HEMK2: variants seen among roughly 807,000 people sequenced by gnomAD.
HEMK2 encodes HemK methyltransferase 2, ETF1 glutamine and histone H4 lysine, also known as methyltransferase HEMK2.
At chr21:28,877,297 G>GAAGGAAGGAAGGAAGGAAGGAAGGAAGT in the HEMK2 span, among the ~76,000 whole-genome samples, 1 of 126,460 alleles carries the variant, frequency 7.9e-6, no homozygotes, top group Non-Finnish European at 1.7e-5. Context: ...AGGAAGGAAG[G>GAAGGAAGGAAGGAAGGAAGGAAGGAAGT]AAGAGAGAGA....
the HEMK2 span, among the ~76,000 whole-genome samples, chr21:28,677,892 T>A: frequency 1.3e-4 from 20 of 152,050 alleles, no homozygotes; most frequent in African/African-American, 4.4e-4. Context: ...CAAAACCCCA[T>A]CTGTACGTCA....
the HEMK2 span, among the ~76,000 whole-genome samples, chr21:28,746,626 T>C: frequency 0.25 from 37,227 of 150,862 alleles, 5,538 homozygotes; most frequent in African/African-American, 0.41. Flanking sequence ...GAGGCTATCA[T>C]ACATTGAGTG....
At chr21:28,822,951 T>C in the HEMK2 span, among the ~76,000 whole-genome samples, 1 of 152,188 alleles carries the variant, frequency 6.6e-6, no homozygotes, top group Non-Finnish European at 1.5e-5. Context: ...GTACAAACAG[T>C]ACTTTGCATT....
chr21:28,693,059 T>A, the HEMK2 span, among the ~76,000 whole-genome samples: 2 of 152,218 alleles, frequency 1.3e-5, no homozygotes, highest in African/African-American at 4.8e-5. Flanking sequence ...ATGAAAATAT[T>A]CTGGAATTAG....
the HEMK2 span, among the ~76,000 whole-genome samples, chr21:28,863,837 T>G: frequency 1.3e-5 from 2 of 152,106 alleles, no homozygotes; most frequent in Non-Finnish European, 2.9e-5. Context: ...TATAATTTAT[T>G]TATTTTTTGA....
At chr21:28,841,444 TAAAATATTATATATA>T in the HEMK2 span, among the ~76,000 whole-genome samples, 1 of 97,090 alleles carries the variant, frequency 1.0e-5, no homozygotes, top group African/African-American at 3.9e-5. Flanking sequence ...ATATTATATA[TAAAATATTATATATA>T]ATATATATGA....
chr21:28,823,064 G>A, the HEMK2 span, among the ~76,000 whole-genome samples: 1 of 152,184 alleles, frequency 6.6e-6, no homozygotes, highest in Non-Finnish European at 1.5e-5. Flanking sequence ...GGTTCCTCCA[G>A]GAAGAGAGAT....
At chr21:28,768,848 C>A in the HEMK2 span, among the ~76,000 whole-genome samples, 9 of 151,848 alleles carry the variant, frequency 5.9e-5, no homozygotes, top group Admixed American at 5.9e-4. Context: ...TAAGGGTGGG[C>A]CCCAAACCTA....
the HEMK2 span, among the ~76,000 whole-genome samples, chr21:28,697,223 T>A: frequency 1.3e-5 from 2 of 152,220 alleles, no homozygotes; most frequent in Non-Finnish European, 2.9e-5. Flanking sequence ...TTCAAACTTT[T>A]ATGATCTGCT....
At chr21:28,613,616 A>ATTTT in the HEMK2 span, among the ~76,000 whole-genome samples, 9 of 47,014 alleles carry the variant, frequency 1.9e-4, no homozygotes, top group East Asian at 8.8e-4. Context: ...CTTTCTGCAT[A>ATTTT]TTCTTTTTTT....
At chr21:28,828,955 A>G in the HEMK2 span, among the ~76,000 whole-genome samples, 1 of 152,216 alleles carries the variant, frequency 6.6e-6, no homozygotes, top group Non-Finnish European at 1.5e-5. Context: ...AGTGATTTTA[A>G]CAAGAGCTTT....
the HEMK2 span, among the ~76,000 whole-genome samples, chr21:28,649,744 T>C: frequency 1.6e-4 from 24 of 152,080 alleles, no homozygotes; most frequent in Non-Finnish European, 1.2e-4. Flanking sequence ...TAAGGAAATA[T>C]ACCAGAGGCC....
chr21:28,755,521 G>A, the HEMK2 span, among the ~76,000 whole-genome samples: 1 of 152,214 alleles, frequency 6.6e-6, no homozygotes, highest in Admixed American at 6.5e-5. Context: ...GTAAATACAA[G>A]AGGTGTGATG....
At chr21:28,880,803 A>T in the HEMK2 span, among the ~76,000 whole-genome samples, 1 of 151,806 alleles carries the variant, frequency 6.6e-6, no homozygotes, top group East Asian at 1.9e-4. Flanking sequence ...CGTTGATCTC[A>T]TGTAAATCAC....
the HEMK2 span, among the ~76,000 whole-genome samples, chr21:28,634,249 T>C: frequency 2.6e-5 from 4 of 152,188 alleles, no homozygotes; most frequent in African/African-American, 9.7e-5. Flanking sequence ...GGAAGGAGAC[T>C]GGGAAGTGTG....
chr21:28,879,779 C>A, the HEMK2 span: 3 of 929,988 alleles, frequency 3.2e-6, no homozygotes, highest in South Asian at 6.4e-5. Flanking sequence ...GTGATAGCAG[C>A]AGCTGACTGA....
the HEMK2 span, among the ~76,000 whole-genome samples, chr21:28,783,716 G>A: frequency 1.3e-5 from 2 of 152,220 alleles, no homozygotes; most frequent in African/African-American, 4.8e-5. Context: ...GGCTAGCCGA[G>A]GCTGGAGCCA....
chr21:28,885,005 CT>C, the HEMK2 span, among the ~76,000 whole-genome samples: 1 of 152,162 alleles, frequency 6.6e-6, no homozygotes, highest in African/African-American at 2.4e-5. Flanking sequence ...GAGCAGCCCC[CT>C]GGCAAAGGAG....
At chr21:28,860,284 C>T in the HEMK2 span, among the ~76,000 whole-genome samples, 1 of 152,006 alleles carries the variant, frequency 6.6e-6, no homozygotes, top group Non-Finnish European at 1.5e-5. Context: ...AGCCTCCCAG[C>T]CTACATCTTT....
Sources: allele counts gnomAD v4.1 joint callset (sites outside exome capture counted in the v4.1 genomes callset), GRCh38; gene constraint gnomAD v4.1.1; transcripts MANE v1.5; gene names NCBI Gene and HGNC (gene_info 2026-07-23, HGNC 2026-07-21).